Variants in SLC44A1 observed in about 807,000 individuals in gnomAD.
SLC44A1 encodes the protein choline transporter-like protein 1.
In SLC44A1, 26 loss-of-function variants were observed where a neutral mutation model predicts 79.3. The ratio of observed to expected loss-of-function variants is 0.33; its 90% confidence interval spans 0.24 to 0.46. The LOEUF is 0.46. Ranked by LOEUF, SLC44A1 falls within the 20% of genes least tolerant of loss-of-function variation. The pLI, the probability that SLC44A1 is intolerant of heterozygous loss-of-function variation, is 1.00. For missense variants in SLC44A1, 688 were observed against 798.1 expected (o/e 0.86, Z 1.66); for synonymous variants, 263 against 286.2 (o/e 0.92, Z 0.82).
chr9:105,375,103 G>A (rs916885623), intron 13 of SLC44A1, among the ~76,000 whole-genome samples: 1 of 152,174 alleles, frequency 6.6e-6, no homozygotes, highest in African/African-American at 2.4e-5. Context: ...ATACAATGGT[G>A]CTATCTCAGC....
At position 105,278,989 on chromosome 9, in the gene SLC44A1, C is replaced by CA. The variant is rs1316025726; in HGVS notation, c.37-20228dup. On this transcript the variant is annotated intron_variant, in intron 1 of 15. Transcript: ENST00000374720. ...CAGTCAGATATGAGGTAATGCTTGT[C>CA]AAAGAAACTGCAGCAGAACAAACTG... 3.3e-5 allele frequency among the ~76,000 whole-genome samples: 5 copies of CA among 152,164 alleles called. No homozygotes were observed. The East Asian group carries it at 5.8e-4, about 18-fold the overall frequency.
intron 1 of SLC44A1, among the ~76,000 whole-genome samples, chr9:105,287,778 C>A (rs1299397496): frequency 6.6e-6 from 1 of 152,160 alleles, no homozygotes; most frequent in African/African-American, 2.4e-5. Flanking sequence ...CTCTAAATTG[C>A]CAGTTTTCCT....
chr9:105,301,802 G>A (rs777168993), intron 2 of SLC44A1, among the ~76,000 whole-genome samples: 1 of 152,140 alleles, frequency 6.6e-6, no homozygotes, highest in Non-Finnish European at 1.5e-5. Flanking sequence ...GATAGAATAG[G>A]AACTGGAACT....
chr9:105,250,405 G>C (rs577973404), intron 1 of SLC44A1, among the ~76,000 whole-genome samples: 1 of 152,112 alleles, frequency 6.6e-6, no homozygotes, highest in East Asian at 1.9e-4. Context: ...AATGTTATTG[G>C]CCTGGGAAAA....
intron 1 of SLC44A1, among the ~76,000 whole-genome samples, chr9:105,247,090 ATT>A (rs11382735): frequency 6.5e-5 from 9 of 137,630 alleles, no homozygotes; most frequent in Admixed American, 2.2e-4. Context: ...AGAGCTGGTG[ATT>A]TTTTTTTTTT....
chr9:105,422,539 G>A lies in SLC44A1; in HGVS notation c.1951-15742G>A, dbSNP rs1027631761. On this transcript the variant is annotated intron_variant, in intron 15 of 15. Coordinates refer to the SLC44A1 transcript ENST00000374724. The stretch of plus-strand genomic sequence containing the variant: ...CTTAAACTGGTGATCTGTCCCTTCA[G>A]CCTCCCAAAGTGCTGGGATTACAGG... 2.6e-5 allele frequency among the ~76,000 whole-genome samples: 4 copies of A among 151,968 alleles called. No individual in the cohort carries two copies. The South Asian group carries it at 6.2e-4, about 24-fold the overall frequency.
At chr9:105,304,703 A>T (rs965604302) in intron 2 of SLC44A1, among the ~76,000 whole-genome samples, 4 of 152,110 alleles carry the variant, frequency 2.6e-5, no homozygotes, top group Non-Finnish European at 5.9e-5. Flanking sequence ...CAGGGAATAA[A>T]AAGTTACTTG....
chr9:105,314,460 T>C (rs1476280670), intron 3 of SLC44A1, among the ~76,000 whole-genome samples: 1 of 152,238 alleles, frequency 6.6e-6, no homozygotes, highest in Non-Finnish European at 1.5e-5. Context: ...CAGAGCTTAG[T>C]GTCTACTTTC....
intron 1 of SLC44A1, among the ~76,000 whole-genome samples, chr9:105,257,978 A>G (rs901452122): frequency 2.0e-5 from 3 of 152,224 alleles, no homozygotes; most frequent in African/African-American, 7.2e-5. Context: ...CTGCACCTGA[A>G]TGGGAGAAAT....
intron 3 of SLC44A1, among the ~76,000 whole-genome samples, chr9:105,323,871 A>C (rs1459560873): frequency 6.6e-6 from 1 of 152,148 alleles, no homozygotes; most frequent in Non-Finnish European, 1.5e-5. Flanking sequence ...GAGTAATTCT[A>C]AACTTTCCCC....
In SLC44A1 at chr9:105,379,190, C is replaced by T. The variant is rs531878766; in HGVS notation, c.1633-3933C>T. ...ACTCGGGAGGCTGAGGTGGGAGAATCGCTTCAGCCCAGAGGCAGAGGCTTC... is the reference window on the plus strand; with the variant it reads ...ACTCGGGAGGCTGAGGTGGGAGAATTGCTTCAGCCCAGAGGCAGAGGCTTC... On this transcript the variant is annotated intron_variant, in intron 13 of 15. Coordinates refer to ENST00000374720, the MANE Select transcript of SLC44A1 (RefSeq NM_080546.5). Among the ~76,000 whole-genome samples the T allele has an allele frequency of 6.6e-5, 10 of 152,220 alleles. No homozygotes were observed. The South Asian group carries it at 1.5e-3, about 22-fold the overall frequency.
Position 105,396,455 on chromosome 9 carries a change from G to T in SLC44A1, c.*7399G>T. The T allele has an allele frequency of 3.0e-6, 3 of 985,316 alleles. No individual in the cohort carries two copies. The highest frequency in any genetic ancestry group is 3.6e-6 in the Non-Finnish European group (3 of 829,840). 61.0% of individuals were successfully genotyped at this position (985,316 alleles called of 1,614,324 possible). On this transcript the variant is annotated 3_prime_UTR_variant, in exon 16 of 16. Coordinates refer to ENST00000374720, the MANE Select transcript of SLC44A1 (RefSeq NM_080546.5). ...AAGGTCCAACTTTACTTACTGGCTG[G>T]CACAGCCTTTCTGAACTCCTTGAGT...
At chr9:105,309,521 A>G (rs1029824263) in intron 2 of SLC44A1, among the ~76,000 whole-genome samples, 2 of 152,174 alleles carry the variant, frequency 1.3e-5, no homozygotes, top group African/African-American at 4.8e-5. Flanking sequence ...TTGTTTTGTT[A>G]TGGTAGTAAA....
intron 12 of SLC44A1, among the ~76,000 whole-genome samples, chr9:105,372,949 CAAA>C (rs1276208690): frequency 5.9e-5 from 5 of 84,586 alleles, no homozygotes; most frequent in African/African-American, 8.5e-5. Flanking sequence ...GACTCCGTCT[CAAA>C]AAAAAAAAAA....
At chr9:105,338,987 C>T (rs1026252989) in intron 4 of SLC44A1, among the ~76,000 whole-genome samples, 5 of 152,154 alleles carry the variant, frequency 3.3e-5, no homozygotes, top group African/African-American at 9.7e-5. Context: ...ACTGCAAAAA[C>T]TCTTAGAAGA....
Position 105,371,720 on chromosome 9 carries a change from C to CAAAAA in SLC44A1, c.1495-2861_1495-2857dup, listed in dbSNP as rs776993058. 6.4e-5 allele frequency among the ~76,000 whole-genome samples: 6 copies of CAAAAA among 94,246 alleles called. 1 individual carries two copies. The highest frequency in any genetic ancestry group is 1.0e-4 in the Non-Finnish European group (5 of 50,204). The allele number at this position is 94,246 out of a possible 152,430, so 61.8% of individuals were successfully genotyped here. A position where few individuals can be genotyped will look rare whatever the true frequency, so the allele number is the denominator to read the frequency against. On this transcript the variant is annotated intron_variant, in intron 12 of 15. Transcript: ENST00000374720. ...GGCGACAGAGTGAGACTCCATCTCA[C>CAAAAA]AAAAAAAAAAAAAAAAAAAAAGTAA...
intron 13 of SLC44A1, among the ~76,000 whole-genome samples, chr9:105,375,038 G>GTTGT (rs371214617): frequency 1.8e-4 from 28 of 152,084 alleles, no homozygotes; most frequent in African/African-American, 3.9e-4. Flanking sequence ...TTTTTTTGTT[G>GTTGT]TTGTTTGTTT....
chr9:105,274,241 A>G (rs1024753314), intron 1 of SLC44A1, among the ~76,000 whole-genome samples: 2 of 152,076 alleles, frequency 1.3e-5, no homozygotes, highest in Admixed American at 6.5e-5. Context: ...CTTTGATTCT[A>G]TTTTGCAATA....
At chr9:105,402,932 C>T (rs1454765008) in intron 15 of SLC44A1, among the ~76,000 whole-genome samples, 7 of 150,678 alleles carry the variant, frequency 4.6e-5, no homozygotes, top group African/African-American at 1.7e-4. Flanking sequence ...CCACCTCAGC[C>T]TCTAGAATAG....
Sources: allele counts gnomAD v4.1 joint callset (sites outside exome capture counted in the v4.1 genomes callset), GRCh38; gene constraint gnomAD v4.1.1; transcripts MANE v1.5; gene names NCBI Gene and HGNC (gene_info 2026-07-23, HGNC 2026-07-21).